ARHGEF7: variants seen among roughly 807,000 people sequenced by gnomAD.
ARHGEF7 encodes the protein Rho guanine nucleotide exchange factor 7.
ARHGEF7 carries 33 observed loss-of-function variants against 109.8 expected under a neutral mutation model. That is an observed-to-expected ratio of 0.30 (90% CI 0.23 to 0.40). The LOEUF is 0.40. Ranked by LOEUF, ARHGEF7 falls within the 10% of genes least tolerant of loss-of-function variation. The pLI, the probability that ARHGEF7 is intolerant of heterozygous loss-of-function variation, is 1.00. For missense variants in ARHGEF7, 938 were observed against 1,098.5 expected, an observed-to-expected ratio of 0.85 and a Z score of 2.07; for synonymous variants, 458 against 424.6, an observed-to-expected ratio of 1.08 and a Z score of -0.97.
intron 10 of ARHGEF7, 94 bp downstream of exon 10, chr13:111,274,046 T>C: frequency 1.4e-6 from 2 of 1,440,228 alleles, no homozygotes; most frequent in Non-Finnish European, 1.9e-6. Context: ...CATGATTTAT[T>C]TTAGAAGCCA....
In ARHGEF7 at chr13:111,280,606, C is replaced by T; in HGVS notation, c.1654C>T (p.Leu552=). ...GGATCTGCAGGAATGGGTGGAGCAC[C>T]TACAGAAGCAAACGAAGGTCACGTC... is the stretch of plus-strand genomic sequence containing the variant. ...QQDLQEWVEH[L]QKQTKVTSVG... is the part of the protein sequence containing the mutation. Residue 552 remains leucine (L), a synonymous_variant, in exon 15 of 22, where the codon CTA becomes TTA. Transcript: ENST00000646102. 1 of 1,612,730 alleles carries T rather than the reference C, an allele frequency of 6.2e-7. No individual in the cohort carries two copies. Among genetic ancestry groups the T allele is most frequent in the Non-Finnish European group, 8.5e-7 (1 of 1,179,522 alleles).
At chr13:111,292,912 C>T (rs1032100037) in intron 19 of ARHGEF7, 12 of 986,922 alleles carry the variant, frequency 1.2e-5, no homozygotes, top group Admixed American at 6.0e-5. Flanking sequence ...GACGGGCGGG[C>T]GTCACGTGTG....
intron 2 of ARHGEF7, among the ~76,000 whole-genome samples, chr13:111,189,183 G>A (rs1230417685): frequency 6.6e-6 from 1 of 152,208 alleles, no homozygotes; most frequent in Non-Finnish European, 1.5e-5. Context: ...CTTTCAGCTT[G>A]GAGCTGGTGT....
chr13:111,203,130 TTA>T (rs1566806184), intron 2 of ARHGEF7: 1 of 1,272,318 alleles, frequency 7.9e-7, no homozygotes, highest in East Asian at 5.6e-5. Flanking sequence ...TAGTAGAAAT[TTA>T]TGTATGTATT....
Position 111,286,715 on chromosome 13 carries a change from G to T in ARHGEF7, c.2044+475G>T, listed in dbSNP as rs1215415903. On this transcript the variant is annotated intron_variant, in intron 17 of 21. Transcript: ENST00000646102. ...TCCTGTCTGCTCCTCAGGCCTAGGG[G>T]TCTGACTCAGCTCTGGGTTCCTATG... 2.0e-5 allele frequency among the ~76,000 whole-genome samples: 3 copies of T among 152,176 alleles called. No individual in the cohort carries two copies. In the East Asian group the frequency reaches 5.8e-4, roughly 29 times the overall value.
intron 5 of ARHGEF7, among the ~76,000 whole-genome samples, chr13:111,230,519 G>C (rs1463583930): frequency 6.6e-6 from 1 of 152,180 alleles, no homozygotes; most frequent in East Asian, 1.9e-4. Flanking sequence ...TTCTTCTGGC[G>C]TGACCGCCCC....
intron 2 of ARHGEF7, among the ~76,000 whole-genome samples, chr13:111,164,137 G>A (rs1402185302): frequency 1.3e-5 from 2 of 152,212 alleles, no homozygotes; most frequent in African/African-American, 4.8e-5. Context: ...CAAATTGTGT[G>A]TCTAGGCATT....
intron 2 of ARHGEF7, among the ~76,000 whole-genome samples, chr13:111,160,971 A>AATTTT (rs1254643120): frequency 2.0e-5 from 3 of 152,354 alleles, no homozygotes; most frequent in Non-Finnish European, 2.9e-5. Context: ...GGACTAATGT[A>AATTTT]CATGCCAAAC....
In ARHGEF7 at chr13:111,283,265, G is replaced by A; in HGVS notation, c.1852G>A (p.Gly618Arg). ...HGTPHTTINW[G>R]PLEPPKTPKP... ...CACCCCGCACACCACCATCAACTGG[G>A]GACCCCTGGAGCCTCCGAAAACACC... is the stretch of plus-strand genomic sequence containing the variant. The change falls in exon 16 of 22, where the codon GGA becomes AGA. Residue 618 changes from glycine to arginine, a missense_variant. Around this residue, in one of 4 missense-constraint regions of ARHGEF7, gnomAD observed 585 missense variants for 723.6 expected, o/e 0.81. Coordinates refer to ENST00000646102, the MANE Select transcript of ARHGEF7 (RefSeq NM_001354046.2). 6.3e-7 allele frequency: 1 copy of A among 1,583,212 alleles called. No individual in the cohort carries two copies. Among genetic ancestry groups the A allele is most frequent in the Non-Finnish European group, 8.6e-7 (1 of 1,167,820 alleles).
chr13:111,256,913 ACAC>A (rs752251440), intron 8 of ARHGEF7, among the ~76,000 whole-genome samples: 36 of 152,182 alleles, frequency 2.4e-4, no homozygotes, highest in Admixed American at 1.6e-3. Flanking sequence ...ACTGGGGGTG[ACAC>A]CGCTTTATTC....
chr13:111,282,961 A>T, intron 15 of ARHGEF7, 178 bp from the exon 16 acceptor site: 1 of 853,716 alleles, frequency 1.2e-6, no homozygotes, highest in Non-Finnish European at 1.8e-6. Context: ...GGCGCGAGCT[A>T]GTGTTTGGCC....
At position 111,145,174 on chromosome 13, in the gene ARHGEF7, T is replaced by C. The variant is rs796855758; in HGVS notation, c.166-8731T>C. Among the ~76,000 whole-genome samples the C allele has an allele frequency of 2.6e-5, 4 of 152,272 alleles. No homozygotes were observed. The highest frequency in any genetic ancestry group is 7.2e-5 in the African/African-American group (3 of 41,546). The stretch of plus-strand genomic sequence containing the variant: ...TTTAAAGGCTGTATGGTAGTGGTGA[T>C]AGTCTGTTTGTGGAAGCATTAGAAT... On this transcript the variant is annotated intron_variant, in intron 1 of 21. Coordinates refer to ENST00000646102, the MANE Select transcript of ARHGEF7 (RefSeq NM_001354046.2). This position sits in a 1 kb window ranked among gnomAD's most constrained non-coding sequence, Gnocchi z 4.3.
intron 4 of ARHGEF7, among the ~76,000 whole-genome samples, chr13:111,215,591 A>C (rs561191187): frequency 6.6e-6 from 1 of 152,260 alleles, no homozygotes; most frequent in South Asian, 2.1e-4. Flanking sequence ...GTATGCTATG[A>C]CTGTTCTTAC....
At chr13:111,270,794 A>G (rs948752508) in intron 9 of ARHGEF7, among the ~76,000 whole-genome samples, 1 of 152,236 alleles carries the variant, frequency 6.6e-6, no homozygotes, top group African/African-American at 2.4e-5. Context: ...TTTGATTTTC[A>G]TGGGACTGCC....
At chr13:111,218,869 G>T (rs926105153) in intron 5 of ARHGEF7, among the ~76,000 whole-genome samples, 1 of 152,070 alleles carries the variant, frequency 6.6e-6, no homozygotes, top group Non-Finnish European at 1.5e-5. Flanking sequence ...TTTACAAATG[G>T]GAATATGACA....
At chr13:111,115,897 G>T (rs1436890763) in intron 1 of ARHGEF7, among the ~76,000 whole-genome samples, 1 of 150,348 alleles carries the variant, frequency 6.7e-6, no homozygotes, top group African/African-American at 2.4e-5. Flanking sequence ...GGGCCGGGGA[G>T]CGGGGTCGGG....
At chr13:111,251,169 T>G (rs146097723) in intron 8 of ARHGEF7, among the ~76,000 whole-genome samples, 89 of 152,246 alleles carry the variant, frequency 5.8e-4, no homozygotes, top group African/African-American at 2.0e-3. Flanking sequence ...TAGCATAGAC[T>G]CGGGTATGAC....
At chr13:111,296,304 A>G (rs1349541772) in intron 19 of ARHGEF7, among the ~76,000 whole-genome samples, 1 of 152,186 alleles carries the variant, frequency 6.6e-6, no homozygotes, top group Admixed American at 6.5e-5. Flanking sequence ...TTTTGTGCTC[A>G]TGTTAACACA....
chr13:111,225,527 T>C (rs537582809), intron 5 of ARHGEF7, among the ~76,000 whole-genome samples: 1 of 151,604 alleles, frequency 6.6e-6, no homozygotes, highest in East Asian at 1.9e-4. Flanking sequence ...TTTTTTTTTC[T>C]CTTACAAATG....
Sources: allele counts gnomAD v4.1 joint callset (sites outside exome capture counted in the v4.1 genomes callset), GRCh38; gene constraint gnomAD v4.1.1; regional missense constraint gnomAD v4.1.1; non-coding constraint Gnocchi (gnomAD v3.1); transcripts MANE v1.5; gene names NCBI Gene and HGNC (gene_info 2026-07-23, HGNC 2026-07-21).